Variants in TTLL5 observed in about 807,000 individuals in gnomAD.
The protein encoded by TTLL5 is tubulin tyrosine ligase like 5, also known as tubulin polyglutamylase TTLL5.
TTLL5 carries 132 observed loss-of-function variants against 168.4 expected under a neutral mutation model. That is an observed-to-expected ratio of 0.78 (90% confidence interval 0.68 to 0.91). The LOEUF is 0.91. TTLL5 is among the 40% of genes least tolerant of loss of function. TTLL5 has a pLI of 0.00. For missense variants in TTLL5, 1,545 were observed against 1,581.5 expected (o/e 0.98, Z 0.39); for synonymous variants, 546 against 558.6 (o/e 0.98, Z 0.32).
chr14:75,795,452 G>T (rs1892950861), intron 27 of TTLL5, among the ~76,000 whole-genome samples: 2 of 151,954 alleles, frequency 1.3e-5, no homozygotes, highest in Non-Finnish European at 2.9e-5. Context: ...TAGGTTTTTG[G>T]GGGAACAGGT....
At chr14:75,691,353 A>G (rs1376101787) in intron 6 of TTLL5, among the ~76,000 whole-genome samples, 1 of 152,244 alleles carries the variant, frequency 6.6e-6, no homozygotes, top group African/African-American at 2.4e-5. Context: ...AATGCACAGA[A>G]GAGACATGAG....
At chr14:75,710,035 C>T (rs1259139639) in intron 9 of TTLL5, 1 of 151,682 alleles carries the variant, frequency 6.6e-6, no homozygotes, top group Non-Finnish European at 1.5e-5. Context: ...TCCTCACCTT[C>T]ACTTCTCTCC....
At chr14:75,863,933 A>AAAAAAAAAAAAAAAAAAC in intron 29 of TTLL5, 71 bp downstream of exon 29, 1 of 1,268,264 alleles carries the variant, frequency 7.9e-7, no homozygotes, top group Non-Finnish European at 1.0e-6. Context: ...AAAAAAAAAA[A>AAAAAAAAAAAAAAAAAAC]AGGTCAGTGA....
chr14:75,899,859 T>C (rs1350796866), intron 30 of TTLL5, among the ~76,000 whole-genome samples: 1 of 152,084 alleles, frequency 6.6e-6, no homozygotes, highest in Non-Finnish European at 1.5e-5. Flanking sequence ...CCCCAGGGAC[T>C]CTTCTCATCC....
chr14:75,935,706 C>T (rs1199520811), intron 31 of TTLL5, among the ~76,000 whole-genome samples: 2 of 152,256 alleles, frequency 1.3e-5, no homozygotes, highest in Non-Finnish European at 2.9e-5. Flanking sequence ...ACCCAACCCA[C>T]TGTAGATTAT....
At chr14:75,842,444 T>G (rs1896312639) in intron 28 of TTLL5, among the ~76,000 whole-genome samples, 1 of 152,178 alleles carries the variant, frequency 6.6e-6, no homozygotes, top group South Asian at 2.1e-4. Flanking sequence ...GCTCTTTATT[T>G]TCTTAATGTT....
At chr14:75,664,626 T>A (rs1883117525) in intron 2 of TTLL5, among the ~76,000 whole-genome samples, 1 of 152,194 alleles carries the variant, frequency 6.6e-6, no homozygotes, top group Non-Finnish European at 1.5e-5. Context: ...TAAGAAAGCT[T>A]TGAGGAAACG....
At chr14:75,783,588 G>GA in intron 26 of TTLL5, 58 bp downstream of exon 26, 6 of 1,564,320 alleles carry the variant, frequency 3.8e-6, no homozygotes, top group African/African-American at 1.4e-5. Context: ...CCCCAATAAA[G>GA]AAAGGATGTC....
In TTLL5 at chr14:75,771,860, G is replaced by T. The variant is rs45480992; in HGVS notation, c.2136+6G>T. 1 of 1,606,424 alleles carries T rather than the reference G, an allele frequency of 6.2e-7. No homozygotes were observed. Among genetic ancestry groups the T allele is most frequent in the Non-Finnish European group, 8.5e-7 (1 of 1,177,422 alleles). On this transcript the variant is annotated splice_donor_region_variant and intron_variant, in intron 21 of 31. Transcript: ENST00000298832. ...CCAAAGAGGATGAACAGATGGTAAG[G>T]CTTTTCTTACTGAAACCTTTTTACT...
At chr14:75,808,124 T>G (rs985436903) in intron 27 of TTLL5, among the ~76,000 whole-genome samples, 5 of 152,176 alleles carry the variant, frequency 3.3e-5, no homozygotes, top group African/African-American at 1.2e-4. Context: ...TTGGAAACCC[T>G]ACGAAGAGAT....
Position 75,775,592 on chromosome 14 carries a change from G to A in TTLL5, c.2245G>A (p.Ala749Thr). The A allele has an allele frequency of 3.7e-6, 6 of 1,614,026 alleles. No individual in the cohort carries two copies. Among genetic ancestry groups the A allele is most frequent in the Non-Finnish European group, 5.1e-6 (6 of 1,179,958 alleles). ...ACTTCTGGAACGCAGAAGAATCCTG[G>A]CCCACCAGCTGGGTGACTTTATCAT... ...LALLERRRIL[A>T]HQLGDFIIVY... The change falls in exon 22 of 32, where the codon GCC (alanine) becomes ACC (threonine). Residue 749 changes from alanine (A) to threonine (T), a missense_variant. Ala to Thr is a moderately conservative substitution (Grantham distance 58, BLOSUM62 0). Transcript: ENST00000298832.
chr14:75,685,334 C>T (rs1250221235), intron 5 of TTLL5, among the ~76,000 whole-genome samples: 1 of 149,782 alleles, frequency 6.7e-6, no homozygotes, highest in East Asian at 1.9e-4. Flanking sequence ...TATGATTGTG[C>T]CACTGCACTC....
chr14:75,846,543 C>CA (rs1401954308), intron 28 of TTLL5, among the ~76,000 whole-genome samples: 6 of 152,138 alleles, frequency 3.9e-5, no homozygotes, highest in African/African-American at 1.4e-4. Context: ...GTAATCCTAG[C>CA]ACTTTGGGAG....
intron 28 of TTLL5, among the ~76,000 whole-genome samples, chr14:75,858,988 T>C (rs1190163498): frequency 2.0e-5 from 3 of 152,170 alleles, no homozygotes; most frequent in African/African-American, 4.8e-5. Context: ...TTGTGACAAT[T>C]GAAAGCACAC....
intron 20 of TTLL5, among the ~76,000 whole-genome samples, chr14:75,769,372 C>A (rs1309189693): frequency 6.6e-6 from 1 of 152,144 alleles, no homozygotes; most frequent in Non-Finnish European, 1.5e-5. Context: ...ATCTGCATAA[C>A]CTTTTGTTTT....
chr14:75,737,169 A>G (rs1019433836), intron 15 of TTLL5, among the ~76,000 whole-genome samples: 16 of 152,332 alleles, frequency 1.1e-4, no homozygotes, highest in African/African-American at 3.6e-4. Context: ...AATCTGTTCA[A>G]TGCTTGTTTT....
At chr14:75,738,636 C>G (rs966094439) in intron 15 of TTLL5, among the ~76,000 whole-genome samples, 19 of 152,010 alleles carry the variant, frequency 1.2e-4, no homozygotes, top group African/African-American at 4.1e-4. Context: ...ATGCTAGTTG[C>G]TCCCATGGCA....
intron 30 of TTLL5, chr14:75,887,034 C>A: frequency 7.8e-7 from 1 of 1,289,538 alleles, no homozygotes; most frequent in South Asian, 1.9e-5. Flanking sequence ...GCTGAGATGA[C>A]CTTCTTTACC....
chr14:75,833,186 C>T (rs1895677505), intron 28 of TTLL5, among the ~76,000 whole-genome samples: 1 of 152,214 alleles, frequency 6.6e-6, no homozygotes, highest in Non-Finnish European at 1.5e-5. Flanking sequence ...CTAGCCTCCT[C>T]CCTCTTTCAT....
Sources: gnomAD v4.1 joint callset for allele counts (sites outside exome capture counted in the v4.1 genomes callset) on GRCh38, gnomAD v4.1.1 for gene constraint, MANE v1.5 for transcripts, NCBI Gene and HGNC (gene_info 2026-07-23, HGNC 2026-07-21) for gene names.